Variants in TNRC6B observed in about 807,000 individuals in gnomAD.
TNRC6B encodes the protein trinucleotide repeat-containing gene 6B protein.
Under a neutral mutation model 203.6 loss-of-function variants are expected in TNRC6B, and 52 were observed. The observed-to-expected ratio is 0.26, with a 90% CI of 0.20 to 0.32. TNRC6B has a LOEUF of 0.32. Ranked by LOEUF, TNRC6B falls within the 10% of genes least tolerant of loss-of-function variation. The pLI, the probability that TNRC6B is intolerant of heterozygous loss-of-function variation, is 1.00. For missense variants in TNRC6B, 1,923 were observed against 2,286.2 expected, an observed-to-expected ratio of 0.84 and a Z score of 3.24; for synonymous variants, 838 against 845.7, an observed-to-expected ratio of 0.99 and a Z score of 0.16.
At chr22:40,146,401 G>A (rs556105182) in intron 3 of TNRC6B, among the ~76,000 whole-genome samples, 12 of 123,268 alleles carry the variant, frequency 9.7e-5, no homozygotes, top group Non-Finnish European at 1.9e-4. Flanking sequence ...GAGAAATGCT[G>A]TCTTTTTTTT....
At chr22:40,085,853 G>A (rs576888082) in intron 1 of TNRC6B, among the ~76,000 whole-genome samples, 1 of 142,344 alleles carries the variant, frequency 7.0e-6, no homozygotes, top group East Asian at 2.0e-4. Context: ...TGTTGCTGTT[G>A]TTGTTGTTGT....
At chr22:40,238,471 G>A (rs140118074) in intron 1 of TNRC6B, among the ~76,000 whole-genome samples, 8 of 151,680 alleles carry the variant, frequency 5.3e-5, no homozygotes, top group Admixed American at 1.3e-4. Context: ...AGATCCCCCC[G>A]CCCCCAACCA....
At chr22:40,239,595 G>A (rs937864648) in intron 1 of TNRC6B, among the ~76,000 whole-genome samples, 8 of 152,282 alleles carry the variant, frequency 5.3e-5, no homozygotes, top group African/African-American at 1.9e-4. Flanking sequence ...CGTGCAGAAT[G>A]AGGAAAATGT....
intron 1 of TNRC6B, among the ~76,000 whole-genome samples, chr22:40,075,156 A>ATTTTTTTTTTTTTTTTTTTTTTTTTTTT (rs58240994): frequency 2.8e-5 from 1 of 35,568 alleles, no homozygotes; most frequent in East Asian, 7.5e-4. Flanking sequence ...ATATATATAT[A>ATTTTTTTTTTTTTTTTTTTTTTTTTTTT]TTTTTTTTTT....
chr22:40,205,970 A>G (rs749237922), intron 1 of TNRC6B, among the ~76,000 whole-genome samples: 1 of 152,192 alleles, frequency 6.6e-6, no homozygotes, highest in Non-Finnish European at 1.5e-5. Flanking sequence ...ATAATGCAGT[A>G]GAGCCACATG....
At chr22:40,107,983 G>T (rs915511844) in intron 1 of TNRC6B, among the ~76,000 whole-genome samples, 1 of 151,456 alleles carries the variant, frequency 6.6e-6, no homozygotes. Context: ...CACAGGAACA[G>T]AATAGCAAAC....
chr22:40,245,866 G>T (rs562987207), intron 1 of TNRC6B, 149 bp from the exon 2 acceptor site: 2 of 450,486 alleles, frequency 4.4e-6, no homozygotes, highest in East Asian at 7.7e-5. Flanking sequence ...GAGTTTTATG[G>T]ATCCTTTTGA....
rs2070472533 is a variant in TNRC6B at position 40,265,940 on chromosome 22, A to T, written c.1710A>T (p.Gly570=). The T allele has an allele frequency of 6.2e-7, 1 of 1,613,902 alleles. No individual in the cohort carries two copies. Among genetic ancestry groups the T allele is most frequent in the Non-Finnish European group, 8.5e-7 (1 of 1,179,914 alleles). ...RSSSSTGSEV[G]GQSTGSNHKA... is the part of the protein sequence containing the mutation. ...CCAGCTCCACAGGAAGTGAAGTTGG[A>T]GGTCAAAGCACTGGAAGCAACCACA... Residue 570 remains glycine (G), a synonymous_variant, in exon 5 of 23, where the codon GGA becomes GGT. Coordinates refer to ENST00000454349, the MANE Select transcript of TNRC6B (RefSeq NM_001162501.2).
At chr22:40,221,004 G>A (rs2069700277) in intron 1 of TNRC6B, among the ~76,000 whole-genome samples, 2 of 152,144 alleles carry the variant, frequency 1.3e-5, no homozygotes, top group Admixed American at 1.3e-4. Flanking sequence ...CAGAAGGCTT[G>A]GCTATTTATT....
At chr22:40,207,470 A>G (rs1173837548) in intron 1 of TNRC6B, among the ~76,000 whole-genome samples, 1 of 149,386 alleles carries the variant, frequency 6.7e-6, no homozygotes, top group East Asian at 1.9e-4. Context: ...CGTAACAAGA[A>G]TGAAAAAGTT....
intron 1 of TNRC6B, among the ~76,000 whole-genome samples, chr22:40,243,850 G>T (rs923995136): frequency 2.0e-5 from 3 of 152,194 alleles, no homozygotes; most frequent in South Asian, 2.1e-4. Context: ...CTCCCAAAGT[G>T]CTGGGATTAC....
intron 17 of TNRC6B, 57 bp downstream of exon 17, chr22:40,311,050 C>A: frequency 6.5e-7 from 1 of 1,529,160 alleles, no homozygotes; most frequent in Non-Finnish European, 8.9e-7. Flanking sequence ...TTGTCAGTTT[C>A]AGGTTCAGAA....
At chr22:40,152,893 G>T (rs1413662716) in intron 3 of TNRC6B, among the ~76,000 whole-genome samples, 1 of 152,016 alleles carries the variant, frequency 6.6e-6, no homozygotes, top group Non-Finnish European at 1.5e-5. Context: ...CTGAGGTCAG[G>T]AGTTCGAGAC....
intron 1 of TNRC6B, among the ~76,000 whole-genome samples, chr22:40,100,400 G>T (rs1330092989): frequency 6.6e-6 from 1 of 151,202 alleles, no homozygotes. Flanking sequence ...ATTTTTTAGA[G>T]ACGGAGTCTG....
At chr22:40,130,779 T>TCAAAA (rs1555884426) in intron 3 of TNRC6B, among the ~76,000 whole-genome samples, 2,148 of 65,002 alleles carry the variant, frequency 0.033, 546 homozygotes, top group African/African-American at 0.14. Context: ...AGACTCCGTC[T>TCAAAA]AAAAAAAAAA....
chr22:40,326,519 T>C lies in TNRC6B; in HGVS notation c.*3278T>C, dbSNP rs1418934158. 4 of 152,586 alleles carry C rather than the reference T, an allele frequency of 2.6e-5. No individual in the cohort carries two copies. Among genetic ancestry groups the C allele is most frequent in the African/African-American group, 7.2e-5 (3 of 41,426 alleles). 9.5% of individuals were successfully genotyped at this position (152,586 alleles called of 1,614,324 possible). A position where few individuals can be genotyped will look rare whatever the true frequency, so the allele number is the denominator to read the frequency against. On this transcript the variant is annotated 3_prime_UTR_variant, in exon 23 of 23. Coordinates refer to ENST00000454349, the MANE Select transcript of TNRC6B (RefSeq NM_001162501.2). Reference sequence around the variant, plus strand: ...GTGTGTAGTTTAATGGGAGAGTGTTTGGTGTATATAGATGAGAATGCCATC... The same window carrying C: ...GTGTGTAGTTTAATGGGAGAGTGTTCGGTGTATATAGATGAGAATGCCATC...
intron 1 of TNRC6B, among the ~76,000 whole-genome samples, chr22:40,045,279 G>A (rs1471848503): frequency 1.4e-5 from 2 of 147,008 alleles, no homozygotes; most frequent in Non-Finnish European, 3.0e-5. Context: ...TCGAGGGGCG[G>A]GGAGGGACTC....
At chr22:40,091,900 T>C (rs1374790311) in intron 1 of TNRC6B, among the ~76,000 whole-genome samples, 1 of 152,226 alleles carries the variant, frequency 6.6e-6, no homozygotes, top group Non-Finnish European at 1.5e-5. Flanking sequence ...TCATACTATC[T>C]GTGCAGTGTA....
intron 3 of TNRC6B, among the ~76,000 whole-genome samples, chr22:40,134,960 T>G (rs2068586302): frequency 6.6e-6 from 1 of 152,172 alleles, no homozygotes; most frequent in Non-Finnish European, 1.5e-5. Flanking sequence ...TCTTCCAAAG[T>G]GGTATTGGCT....
Sources: allele counts gnomAD v4.1 joint callset (sites outside exome capture counted in the v4.1 genomes callset), GRCh38; gene constraint gnomAD v4.1.1; transcripts MANE v1.5; gene names NCBI Gene and HGNC (gene_info 2026-07-23, HGNC 2026-07-21).